Variants in RTF2 observed in about 807,000 individuals in gnomAD.
RTF2 encodes UPF0549 protein C20orf43.
RTF2 carries 18 observed loss-of-function variants against 38.0 expected under a neutral mutation model. The observed-to-expected ratio is 0.47, with a 90% CI of 0.33 to 0.70. The LOEUF (loss-of-function observed/expected upper bound fraction) is 0.70, where lower values mean the gene tolerates loss of function less well. Among genes scored for constraint, RTF2 ranks in the 30% least tolerant of loss-of-function variants. RTF2 has a pLI of 0.02. For missense variants in RTF2, 311 were observed against 379.6 expected (o/e 0.82, Z 1.50); for synonymous variants, 126 against 137.1 (o/e 0.92, Z 0.57).
intron 5 of RTF2, chr20:56,491,619 G>A (rs1600809236): frequency 6.4e-7 from 1 of 1,551,826 alleles, no homozygotes; most frequent in Non-Finnish European, 8.7e-7. Flanking sequence ...GGCTCTATAG[G>A]AACTTCTGCC....
chr20:56,497,308 G>T (rs1458753942), intron 5 of RTF2: 1 of 1,550,800 alleles, frequency 6.4e-7, no homozygotes, highest in Non-Finnish European at 8.7e-7. Flanking sequence ...GCAGACAGGG[G>T]TCTGGTTATG....
chr20:56,514,249 C>T (rs936917039), intron 6 of RTF2: 2 of 152,094 alleles, frequency 1.3e-5, no homozygotes, highest in South Asian at 4.2e-4. Context: ...AGAGTTCTTC[C>T]ATGCGCTGGT....
In RTF2 at chr20:56,491,780, C is replaced by T. The variant is rs1347316621; in HGVS notation, c.477+7591C>T. On this transcript the variant is annotated intron_variant, in intron 5 of 8. Coordinates refer to ENST00000357348, the MANE Select transcript of RTF2 (RefSeq NM_016407.5). ...GTATACGCAGATGTCTTCGACGTAG[C>T]GGCCTGCAGAAAGAAACACAAAAAC... is the stretch of plus-strand genomic sequence containing the variant. 5.2e-6 allele frequency: 8 copies of T among 1,548,774 alleles called. No homozygotes were observed. The Admixed American group carries it at 5.9e-5, about 11-fold the overall frequency.
intron 1 of RTF2, among the ~76,000 whole-genome samples, chr20:56,471,107 C>T (rs796205983): frequency 5.3e-5 from 8 of 152,086 alleles, no homozygotes; most frequent in African/African-American, 1.9e-4. Flanking sequence ...GGGACTGAGC[C>T]CTTAACCTTT....
intron 5 of RTF2, among the ~76,000 whole-genome samples, chr20:56,491,020 A>G (rs1482731547): frequency 1.3e-5 from 2 of 152,166 alleles, no homozygotes; most frequent in East Asian, 3.8e-4. Context: ...CACTTGGGGC[A>G]CCCTTTTTAA....
intron 5 of RTF2, among the ~76,000 whole-genome samples, chr20:56,505,395 G>A (rs577722879): frequency 6.6e-6 from 1 of 151,952 alleles, no homozygotes; most frequent in South Asian, 2.1e-4. Context: ...GGCTAAGGTG[G>A]GAGGATTGCT....
intron 5 of RTF2, chr20:56,504,408 A>G (rs1015298680): frequency 6.6e-6 from 1 of 152,250 alleles, no homozygotes; most frequent in Non-Finnish European, 1.5e-5. Flanking sequence ...CAGCGTCTTG[A>G]AATTATTTTA....
intron 5 of RTF2, among the ~76,000 whole-genome samples, chr20:56,488,820 C>T (rs920445657): frequency 1.3e-5 from 2 of 152,230 alleles, no homozygotes; most frequent in African/African-American, 2.4e-5. Context: ...CTCATGCTCA[C>T]GGAAGCTGCT....
intron 5 of RTF2, among the ~76,000 whole-genome samples, chr20:56,487,737 C>T (rs1033294361): frequency 2.0e-5 from 3 of 152,208 alleles, no homozygotes; most frequent in African/African-American, 7.2e-5. Flanking sequence ...TGGAGACTAA[C>T]GTCCAAAATC....
intron 3 of RTF2, among the ~76,000 whole-genome samples, chr20:56,476,207 C>A (rs1982232510): frequency 6.6e-6 from 1 of 152,248 alleles, no homozygotes; most frequent in South Asian, 2.1e-4. Flanking sequence ...GCTCGTTAGA[C>A]CGTGGCCTCA....
At chr20:56,501,386 A>G (rs981930697) in intron 5 of RTF2, among the ~76,000 whole-genome samples, 1 of 152,214 alleles carries the variant, frequency 6.6e-6, no homozygotes, top group Non-Finnish European at 1.5e-5. Flanking sequence ...ATTAATTTCC[A>G]GTAAATGTAG....
chr20:56,495,221 A>G (rs1469330573), intron 5 of RTF2: 1 of 1,551,180 alleles, frequency 6.4e-7, no homozygotes, highest in Non-Finnish European at 8.7e-7. Flanking sequence ...CATCATGAAC[A>G]TTTCCTTCCT....
In RTF2 at chr20:56,478,790, T is replaced by C. The variant is rs146090343; in HGVS notation, c.398+1666T>C. Among the ~76,000 whole-genome samples, 157 of 152,330 alleles carry C rather than the reference T, an allele frequency of 1.0e-3. 1 individual carries two copies. Among genetic ancestry groups the C allele is most frequent in the African/African-American group, 3.7e-3 (153 of 41,584 alleles). ...TTGACTCTTTCATGAAAGATTTCTC[T>C]GTATGTAGCATGTGATGCTGTTTAA... On this transcript the variant is annotated intron_variant, in intron 4 of 8. Coordinates refer to ENST00000357348, the MANE Select transcript of RTF2 (RefSeq NM_016407.5).
intron 4 of RTF2, among the ~76,000 whole-genome samples, chr20:56,478,178 G>T (rs1982353447): frequency 1.3e-5 from 2 of 152,088 alleles, no homozygotes; most frequent in Non-Finnish European, 1.5e-5. Context: ...CAAAATTTTG[G>T]TTTCTTAGTA....
In RTF2 at chr20:56,518,602, A is replaced by G. The variant is rs147621647; in HGVS notation, c.*337A>G. On this transcript the variant is annotated 3_prime_UTR_variant, in exon 9 of 9. Transcript: ENST00000357348. ...GTCCTCACCGGTGCAGAGTTGGCAC[A>G]TATTAATTAACTAAAATTCTAATGA... is the stretch of plus-strand genomic sequence containing the variant. 2.3e-3 allele frequency: 464 copies of G among 205,820 alleles called. 2 individuals carry two copies. Among genetic ancestry groups the G allele is most frequent in the African/African-American group, 1.0e-2 (437 of 43,730 alleles). 12.7% of individuals were successfully genotyped at this position (205,820 alleles called of 1,614,324 possible).
intron 1 of RTF2, among the ~76,000 whole-genome samples, 175 bp from the exon 2 acceptor site, chr20:56,473,126 G>A (rs981720543): frequency 2.0e-5 from 3 of 151,990 alleles, no homozygotes; most frequent in Admixed American, 6.6e-5. Context: ...GTGAGACCCC[G>A]TCTCAAAAAC....
chr20:56,484,342 C>T (rs566339763), intron 5 of RTF2, among the ~76,000 whole-genome samples, 153 bp downstream of exon 5: 34 of 152,306 alleles, frequency 2.2e-4, no homozygotes, highest in African/African-American at 7.9e-4. Flanking sequence ...GTGCAGAATC[C>T]ACTGGCCTCT....
At chr20:56,484,414 G>A (rs1982679066) in intron 5 of RTF2, among the ~76,000 whole-genome samples, 2 of 152,208 alleles carry the variant, frequency 1.3e-5, no homozygotes, top group South Asian at 4.1e-4. Flanking sequence ...TCCTGAATGT[G>A]CTGCTGCCTC....
intron 5 of RTF2, among the ~76,000 whole-genome samples, chr20:56,494,696 A>T (rs1983394500): frequency 1.3e-5 from 2 of 152,126 alleles, no homozygotes; most frequent in African/African-American, 4.8e-5. Flanking sequence ...TGGCAGCAGG[A>T]TTTACTTGTC....
Sources: gnomAD v4.1 joint callset for allele counts (sites outside exome capture counted in the v4.1 genomes callset) on GRCh38, gnomAD v4.1.1 for gene constraint, MANE v1.5 for transcripts, NCBI Gene and HGNC (gene_info 2026-07-23, HGNC 2026-07-21) for gene names.